The following TXNDC8 variants were observed in gnomAD, a reference collection of about 807,000 sequenced individuals.
TXNDC8 encodes the protein thioredoxin domain-containing protein 8.
A neutral mutation model predicts 12.9 loss-of-function variants in TXNDC8; 15 were observed. The observed-to-expected ratio is 1.16, with a 90% CI of 0.78 to 1.79. The LOEUF is 1.79. Among genes scored for constraint, TXNDC8 ranks in the 40% most tolerant of loss-of-function variants. TXNDC8 has a pLI of 0.00. For synonymous variants in TXNDC8, 40 were observed against 35.4 expected (o/e 1.13, Z -0.46); for missense variants, 128 against 113.2 (o/e 1.13, Z -0.59).
intron 3 of TXNDC8, among the ~76,000 whole-genome samples, chr9:110,313,702 A>G (rs891984556): frequency 1.3e-5 from 2 of 152,208 alleles, no homozygotes; most frequent in African/African-American, 4.8e-5. Context: ...CTCTGTCTCA[A>G]AACAAACAAA....
intron 3 of TXNDC8, among the ~76,000 whole-genome samples, chr9:110,305,147 CAAAAAAA>C (rs769344640): frequency 2.0e-3 from 112 of 57,124 alleles, no homozygotes; most frequent in Non-Finnish European, 2.9e-3. Context: ...GATTCTGTCT[CAAAAAAA>C]AAAAAAAAAA....
intron 3 of TXNDC8, among the ~76,000 whole-genome samples, chr9:110,308,442 T>C (rs928876901): frequency 1.3e-5 from 2 of 151,580 alleles, no homozygotes; most frequent in African/African-American, 2.4e-5. Flanking sequence ...CTCCTTACCA[T>C]TAGCATGCTC....
chr9:110,337,651 C>G (rs757214672), intron 1 of TXNDC8, 122 bp downstream of exon 1: 2 of 898,566 alleles, frequency 2.2e-6, no homozygotes, highest in Non-Finnish European at 1.7e-6. Context: ...ATTTAGAACT[C>G]TCCCCTTGCT....
intron 3 of TXNDC8, among the ~76,000 whole-genome samples, chr9:110,312,916 T>C (rs765435806): frequency 6.6e-6 from 1 of 152,226 alleles, no homozygotes; most frequent in Non-Finnish European, 1.5e-5. Flanking sequence ...TTAGTTGTTT[T>C]TGAGACAGAG....
chr9:110,332,753 A>G (rs1839593526), intron 2 of TXNDC8, among the ~76,000 whole-genome samples: 1 of 152,240 alleles, frequency 6.6e-6, no homozygotes, highest in African/African-American at 2.4e-5. Flanking sequence ...AATTAACCAG[A>G]TAAAATATTG....
At chr9:110,324,738 T>A (rs1839239829) in intron 3 of TXNDC8, among the ~76,000 whole-genome samples, 1 of 152,186 alleles carries the variant, frequency 6.6e-6, no homozygotes, top group Admixed American at 6.5e-5. Flanking sequence ...GGAATAAGCA[T>A]TTTGTGTCTC....
At chr9:110,302,793 G>A (rs1212205420), downstream of TXNDC8, among the ~76,000 whole-genome samples, 2 of 152,146 alleles carry the variant, frequency 1.3e-5, no homozygotes, top group Admixed American at 1.3e-4. Context: ...GCTGGGCATG[G>A]TGGCTCATGC....
At chr9:110,319,454 T>C (rs1839011897) in intron 3 of TXNDC8, among the ~76,000 whole-genome samples, 1 of 152,240 alleles carries the variant, frequency 6.6e-6, no homozygotes, top group African/African-American at 2.4e-5. Flanking sequence ...GCACTTTAGA[T>C]ACAATATCAC....
At chr9:110,327,793 G>C (rs1587984455) in intron 2 of TXNDC8, among the ~76,000 whole-genome samples, 2 of 152,294 alleles carry the variant, frequency 1.3e-5, no homozygotes, top group South Asian at 4.1e-4. Context: ...GGGGGGTGGA[G>C]GATGGAGGGA....
chr9:110,303,173 TC>T (rs1474285234), downstream of TXNDC8, among the ~76,000 whole-genome samples: 3 of 152,210 alleles, frequency 2.0e-5, no homozygotes, highest in Non-Finnish European at 4.4e-5. Flanking sequence ...ATTTATTTGT[TC>T]CTTGACCACT....
intron 2 of TXNDC8, among the ~76,000 whole-genome samples, chr9:110,328,335 T>C (rs1413545803): frequency 6.6e-6 from 1 of 152,178 alleles, no homozygotes; most frequent in East Asian, 1.9e-4. Context: ...TTTGAGGTTA[T>C]GGGGTTGATT....
chr9:110,303,622 C>T lies in TXNDC8; in HGVS notation c.*60G>A. 6.3e-7 allele frequency: 1 copy of T among 1,576,760 alleles called. No homozygotes were observed. ...CACAAAGGTGAAACATTTATTGATT[C>T]AAGTGCTGCGAAAATGTTGAGGCTT... is the stretch of plus-strand genomic sequence containing the variant. On this transcript the variant is annotated 3_prime_UTR_variant, in exon 5 of 5. Transcript: ENST00000423740.
chr9:110,332,922 C>G (rs919613151), intron 2 of TXNDC8, among the ~76,000 whole-genome samples: 3 of 152,208 alleles, frequency 2.0e-5, no homozygotes, highest in African/African-American at 7.2e-5. Flanking sequence ...TTATTCGCCT[C>G]ATTGCAATAA....
intron 2 of TXNDC8, among the ~76,000 whole-genome samples, chr9:110,331,552 G>T (rs1430577943): frequency 1.3e-5 from 2 of 152,086 alleles, no homozygotes; most frequent in Admixed American, 1.3e-4. Context: ...GTTCTAATGT[G>T]GTTTATGTTT....
At position 110,310,509 on chromosome 9, in the gene TXNDC8, C is replaced by A. The variant is rs933890120; in HGVS notation, c.196-5977G>T. ...ACAAGATGTACTTCTACCGGCATGC[C>A]TAATACATTTATGTATTTATGTGTT... On this transcript the variant is annotated intron_variant, in intron 3 of 4. Coordinates refer to ENST00000423740, the MANE Select transcript of TXNDC8 (RefSeq NM_001286946.2). Among the ~76,000 whole-genome samples, 13 of 152,138 alleles carry A rather than the reference C, an allele frequency of 8.5e-5. No individual in the cohort carries two copies. In the East Asian group the frequency reaches 2.3e-3, roughly 27 times the overall value.
chr9:110,316,854 AT>A (rs1838901816), intron 3 of TXNDC8, among the ~76,000 whole-genome samples: 1 of 152,218 alleles, frequency 6.6e-6, no homozygotes, highest in African/African-American at 2.4e-5. Flanking sequence ...TTTGCAGGCC[AT>A]TTGGTCTCTG....
chr9:110,305,591 T>TTTCC, intron 3 of TXNDC8, among the ~76,000 whole-genome samples: 1 of 137,954 alleles, frequency 7.2e-6, no homozygotes. Context: ...TCTTTCTTTC[T>TTTCC]TTCTTTCTTT....
intron 3 of TXNDC8, among the ~76,000 whole-genome samples, chr9:110,318,584 A>G (rs1405990028): frequency 6.6e-6 from 1 of 152,090 alleles, no homozygotes; most frequent in African/African-American, 2.4e-5. Context: ...CAAAAATACA[A>G]AAAATTAGCC....
chr9:110,304,360 G>A (rs1043550067), intron 4 of TXNDC8, 107 bp downstream of exon 5: 1 of 995,862 alleles, frequency 1.0e-6, no homozygotes, highest in East Asian at 2.6e-5. Context: ...CACACCAAAG[G>A]CTTCTGCTTC....
Sources: gnomAD v4.1 joint callset for allele counts (sites outside exome capture counted in the v4.1 genomes callset) on GRCh38, gnomAD v4.1.1 for gene constraint, MANE v1.5 for transcripts, NCBI Gene and HGNC (gene_info 2026-07-23, HGNC 2026-07-21) for gene names.